AGBL1: variants seen among roughly 807,000 people sequenced by gnomAD.
AGBL1 encodes cytosolic carboxypeptidase 4.
A neutral mutation model predicts 118.9 loss-of-function variants in AGBL1; 130 were observed. The ratio of observed to expected loss-of-function variants is 1.09; its 90% confidence interval spans 0.95 to 1.26. The LOEUF is 1.26. Ranked by LOEUF, AGBL1 falls within the 50% of genes most tolerant of loss-of-function variation. AGBL1 has a pLI of 0.00. For synonymous variants in AGBL1, 555 were observed against 478.9 expected (o/e 1.16, Z -2.08); for missense variants, 1,584 against 1,298.1 (o/e 1.22, Z -3.38).
At chr15:86,105,619 G>A (rs1054395789) in intron 1 of AGBL1, among the ~76,000 whole-genome samples, 1 of 152,226 alleles carries the variant, frequency 6.6e-6, no homozygotes, top group African/African-American at 2.4e-5. Flanking sequence ...GAGAACAGCA[G>A]GAAAGAGAGG....
intron 19 of AGBL1, among the ~76,000 whole-genome samples, chr15:86,544,341 G>T (rs2083548443): frequency 6.6e-6 from 1 of 152,120 alleles, no homozygotes; most frequent in East Asian, 1.9e-4. Context: ...AAGGTTCCTG[G>T]GAACAGCAAG....
At chr15:86,929,827 T>TCATATTCACAGATGAA (rs1280807156) in intron 23 of AGBL1, among the ~76,000 whole-genome samples, 6 of 152,318 alleles carry the variant, frequency 3.9e-5, no homozygotes, top group South Asian at 2.1e-4. Context: ...GTTCTATATA[T>TCATATTCACAGATGAA]CATATTCACA....
chr15:86,820,786 T>C (rs1291038298), intron 22 of AGBL1, among the ~76,000 whole-genome samples: 1 of 152,108 alleles, frequency 6.6e-6, no homozygotes. Flanking sequence ...TCCTCAAGGA[T>C]CTAGAATCAG....
At chr15:86,440,981 A>G (rs972176247) in intron 18 of AGBL1, among the ~76,000 whole-genome samples, 2 of 152,212 alleles carry the variant, frequency 1.3e-5, no homozygotes, top group Non-Finnish European at 2.9e-5. Flanking sequence ...TCAGAGTCAT[A>G]CATTAGAGCA....
intron 22 of AGBL1, among the ~76,000 whole-genome samples, chr15:86,773,641 TATA>T (rs754538727): frequency 2.0e-5 from 3 of 151,318 alleles, no homozygotes; most frequent in Non-Finnish European, 2.9e-5. Context: ...AAACTTAAAG[TATA>T]ATAATAAAAA....
intron 22 of AGBL1, among the ~76,000 whole-genome samples, chr15:86,753,490 C>T (rs920043039): frequency 6.6e-6 from 1 of 151,052 alleles, no homozygotes; most frequent in South Asian, 2.1e-4. Flanking sequence ...TTTTGCCTCC[C>T]GGATTCAAGC....
intron 22 of AGBL1, among the ~76,000 whole-genome samples, chr15:86,899,833 T>C (rs1158405157): frequency 6.6e-6 from 1 of 152,084 alleles, no homozygotes; most frequent in Non-Finnish European, 1.5e-5. Flanking sequence ...GGATGCGACA[T>C]ATTATTCCTG....
chr15:86,106,235 T>C (rs567547610), intron 1 of AGBL1, among the ~76,000 whole-genome samples: 29 of 152,356 alleles, frequency 1.9e-4, no homozygotes, highest in African/African-American at 3.4e-4. Context: ...CTTTGTAAGA[T>C]GTGATCCCTA....
intron 17 of AGBL1, among the ~76,000 whole-genome samples, chr15:86,369,085 G>A (rs1178845814): frequency 2.0e-5 from 3 of 152,064 alleles, no homozygotes; most frequent in Non-Finnish European, 2.9e-5. Context: ...CTACCAACAA[G>A]ACCCTCAATA....
chr15:86,438,204 C>T (rs2082021814), intron 18 of AGBL1, among the ~76,000 whole-genome samples: 2 of 152,216 alleles, frequency 1.3e-5, no homozygotes, highest in African/African-American at 4.8e-5. Context: ...CTGCACCCGG[C>T]CAAGCCTCAG....
chr15:86,358,986 A>G (rs1175271190), intron 17 of AGBL1, among the ~76,000 whole-genome samples: 3 of 151,152 alleles, frequency 2.0e-5, no homozygotes, highest in Non-Finnish European at 3.0e-5. Context: ...TGCTTACTCC[A>G]TTGATTGTTT....
intron 22 of AGBL1, among the ~76,000 whole-genome samples, chr15:86,737,298 G>A (rs1271816648): frequency 1.3e-5 from 2 of 152,164 alleles, no homozygotes; most frequent in East Asian, 3.9e-4. Flanking sequence ...GGATTTTGCT[G>A]AGGAGAGAAA....
intron 1 of AGBL1, among the ~76,000 whole-genome samples, chr15:86,120,348 A>G (rs1350018440): frequency 2.0e-5 from 3 of 152,184 alleles, no homozygotes; most frequent in Non-Finnish European, 2.9e-5. Flanking sequence ...TAATGTTCCC[A>G]TAGTACTCAG....
chr15:86,626,554 T>G (rs1428760773), intron 21 of AGBL1, among the ~76,000 whole-genome samples: 1 of 152,166 alleles, frequency 6.6e-6, no homozygotes, highest in African/African-American at 2.4e-5. Flanking sequence ...TAATGGGTAC[T>G]AGGCTTAATA....
intron 21 of AGBL1, among the ~76,000 whole-genome samples, chr15:86,566,141 C>T (rs1206167153): frequency 1.3e-5 from 2 of 151,384 alleles, no homozygotes; most frequent in African/African-American, 2.5e-5. Flanking sequence ...CTGTCCTGCA[C>T]CCACTGTCCT....
At chr15:86,951,746 T>G (rs1596668263) in intron 23 of AGBL1, among the ~76,000 whole-genome samples, 1 of 152,192 alleles carries the variant, frequency 6.6e-6, no homozygotes, top group South Asian at 2.1e-4. Context: ...TCCACACTCA[T>G]GATTTGGGCA....
chr15:86,730,668 T>C (rs1262313188), intron 22 of AGBL1, among the ~76,000 whole-genome samples: 3 of 152,172 alleles, frequency 2.0e-5, no homozygotes, highest in Admixed American at 6.5e-5. Context: ...TCATTTGTCA[T>C]CTGGCAATAA....
At chr15:86,661,919 T>G (rs1159219014) in intron 21 of AGBL1, among the ~76,000 whole-genome samples, 1 of 152,210 alleles carries the variant, frequency 6.6e-6, no homozygotes, top group African/African-American at 2.4e-5. Flanking sequence ...ATCTAAAGTT[T>G]CTTTCTTCGT....
At chr15:86,406,787 C>T (rs897308299) in intron 18 of AGBL1, among the ~76,000 whole-genome samples, 10 of 152,272 alleles carry the variant, frequency 6.6e-5, no homozygotes, top group African/African-American at 2.4e-4. Context: ...CTAACCACAT[C>T]TTCCTATGGC....
Sources: gnomAD v4.1 joint callset for allele counts (sites outside exome capture counted in the v4.1 genomes callset) on GRCh38, gnomAD v4.1.1 for gene constraint, MANE v1.5 for transcripts, NCBI Gene and HGNC (gene_info 2026-07-23, HGNC 2026-07-21) for gene names.